The following SAMD11 variants were observed in gnomAD, a reference collection of about 807,000 sequenced individuals.
SAMD11 encodes the protein sterile alpha motif domain containing 11.
In SAMD11, 77 loss-of-function variants were observed where a neutral mutation model predicts 64.4. The ratio of observed to expected loss-of-function variants is 1.20; its 90% confidence interval spans 0.99 to 1.44. The LOEUF (loss-of-function observed/expected upper bound fraction) is 1.44. Among genes scored for constraint, SAMD11 ranks in the 40% most tolerant of loss-of-function variants. SAMD11 has a pLI of 0.00. For synonymous variants in SAMD11, 658 were observed against 421.9 expected (o/e 1.56, Z -6.86); for missense variants, 1,402 against 943.3 (o/e 1.49, Z -6.37).
chr1:940,080 T>G (rs1471649385), intron 7 of SAMD11, among the ~76,000 whole-genome samples: 4 of 152,056 alleles, frequency 2.6e-5, no homozygotes, highest in African/African-American at 9.7e-5. Context: ...TAGAGGTGGG[T>G]GGGGGCGCCG....
intron 4 of SAMD11, among the ~76,000 whole-genome samples, chr1:932,176 C>T (rs1227864234): frequency 1.3e-5 from 2 of 152,250 alleles, no homozygotes; most frequent in African/African-American, 2.4e-5. Flanking sequence ...CTGTCATGAA[C>T]ACTGATGACA....
At chr1:925,650 G>A in intron 1 of SAMD11, 1 of 385,338 alleles carries the variant, frequency 2.6e-6, no homozygotes, top group South Asian at 2.7e-5. Context: ...CCGGGGAGAG[G>A]GTGGAGCGCG....
intron 4 of SAMD11, among the ~76,000 whole-genome samples, chr1:935,507 G>C (rs962996240): frequency 3.9e-5 from 6 of 152,170 alleles, no homozygotes; most frequent in African/African-American, 1.4e-4. Context: ...AGGCAGAGCC[G>C]GCTGGCTGCT....
In SAMD11 at chr1:942,796, G is replaced by C. The variant is rs1159829144; in HGVS notation, c.1791G>C (p.Lys597Asn). The change falls in exon 11 of 14, where the codon AAG (lysine) becomes AAC (asparagine). Residue 597 changes from lysine (K) to asparagine (N), a missense_variant. By Grantham distance (94) the Lys-to-Asn change is moderately conservative (BLOSUM62 0). Coordinates refer to ENST00000616016, the MANE Select transcript of SAMD11 (RefSeq NM_001385641.1). Reference sequence around the variant, plus strand: ...ACTCTGCCCGGCGAGCCCCCCGGAAGGGGGGTCCCGGCCCTGCCTCAGCGC... The same window carrying C: ...ACTCTGCCCGGCGAGCCCCCCGGAACGGGGGTCCCGGCCCTGCCTCAGCGC... ...SRDSARRAPR[K>N]GGPGPASARP... 1 of 1,542,726 alleles carries C rather than the reference G, an allele frequency of 6.5e-7. No individual in the cohort carries two copies. The highest frequency in any genetic ancestry group is 2.0e-5 in the Admixed American group (1 of 50,540).
intron 2 of SAMD11, among the ~76,000 whole-genome samples, chr1:928,385 C>A (rs1485123286): frequency 6.6e-6 from 1 of 151,966 alleles, no homozygotes; most frequent in Non-Finnish European, 1.5e-5. Context: ...GAGTGAGACT[C>A]CGTCTCAAAA....
At chr1:935,238 G>T (rs1484277884) in intron 4 of SAMD11, among the ~76,000 whole-genome samples, 9 of 152,144 alleles carry the variant, frequency 5.9e-5, no homozygotes, top group Non-Finnish European at 1.3e-4. Flanking sequence ...GGTGCCTGGT[G>T]CGAGCTGCAC....
At chr1:933,598 C>T (rs1641270096) in intron 4 of SAMD11, among the ~76,000 whole-genome samples, 1 of 152,198 alleles carries the variant, frequency 6.6e-6, no homozygotes, top group Non-Finnish European at 1.5e-5. Context: ...ACTGCCAGGC[C>T]AGCCCTCAGC....
intron 5 of SAMD11, among the ~76,000 whole-genome samples, chr1:937,181 C>T (rs1456207154): frequency 6.6e-6 from 1 of 152,160 alleles, no homozygotes; most frequent in Non-Finnish European, 1.5e-5. Flanking sequence ...GGGGCGTTCA[C>T]CTCTTCTCCC....
chr1:928,198 C>T (rs540000009), intron 2 of SAMD11, among the ~76,000 whole-genome samples: 37 of 151,584 alleles, frequency 2.4e-4, no homozygotes, highest in African/African-American at 8.9e-4. Context: ...TCGAGACCAT[C>T]CTGACTAACA....
In SAMD11 at chr1:944,463, A is replaced by G; in HGVS notation, c.*310A>G. ...GACGTCAGGGTCAGCTCCCCCGCGG[A>G]GCTGACTTCAGCAGCCCACAGCTGT... On this transcript the variant is annotated 3_prime_UTR_variant, in exon 14 of 14. Coordinates refer to ENST00000616016, the MANE Select transcript of SAMD11 (RefSeq NM_001385641.1). 14 of 757,420 alleles carry G rather than the reference A, an allele frequency of 1.8e-5. No homozygotes were observed. Among genetic ancestry groups the G allele is most frequent in the Non-Finnish European group, 2.8e-5 (14 of 505,294 alleles). The allele number at this position is 757,420 out of a possible 1,614,324, so 46.9% of individuals were successfully genotyped here. A position where few individuals can be genotyped will look rare whatever the true frequency, so the allele number is the denominator to read the frequency against.
At chr1:943,193 AGGAGACGGGCG>A (rs1641913137) in intron 11 of SAMD11, 49 bp from the exon 12 acceptor site, 4 of 1,608,786 alleles carry the variant, frequency 2.5e-6, no homozygotes, top group Non-Finnish European at 8.5e-7. Context: ...CACGACGGTC[AGGAGACGGGCG>A]GGTATGGGAA....
intron 9 of SAMD11, 32 bp from the exon 10 acceptor site, chr1:942,378 C>T: frequency 2.3e-6 from 3 of 1,301,994 alleles, no homozygotes; most frequent in Non-Finnish European, 3.1e-6. Flanking sequence ...GCCTCGGACC[C>T]CCCGACCCCG....
intron 7 of SAMD11, chr1:940,363 CG>C (rs1410890597): frequency 6.6e-6 from 1 of 151,294 alleles, no homozygotes; most frequent in African/African-American, 2.4e-5. Flanking sequence ...GCCGCTAGCG[CG>C]GGGGCGCTGG....
intron 12 of SAMD11, 149 bp downstream of exon 12, chr1:943,526 C>CTT (rs56972694): frequency 2.9e-5 from 16 of 550,626 alleles, no homozygotes; most frequent in South Asian, 1.0e-4. Context: ...TGCACCCCAC[C>CTT]TTTTTTTTTT....
At chr1:930,072 GC>G in intron 2 of SAMD11, 82 bp from the exon 3 acceptor site, 4 of 1,454,176 alleles carry the variant, frequency 2.8e-6, no homozygotes, top group South Asian at 1.4e-5. Flanking sequence ...AGATGGAACG[GC>G]CCGGTCCAGC....
At chr1:926,869 C>T (rs1640916434) in intron 2 of SAMD11, among the ~76,000 whole-genome samples, 1 of 152,068 alleles carries the variant, frequency 6.6e-6, no homozygotes. Flanking sequence ...ACCCCTTCTT[C>T]CAGGAAAGGG....
chr1:935,893 G>T lies in SAMD11; in HGVS notation c.964G>T (p.Ala322Ser), dbSNP rs762953021. The change falls in exon 5 of 14, where the codon GCC becomes TCC. Residue 322 changes from alanine (A) to serine (S), a missense_variant. By Grantham distance (99) the Ala-to-Ser change is moderately conservative. Transcript: ENST00000616016. Reference sequence around the variant, plus strand: ...CAGCCTGGAGATTGGCCTGCGACCCGCCGGTGAGGAGCACAGGGGGCCTGA... The same window carrying T: ...CAGCCTGGAGATTGGCCTGCGACCCTCCGGTGAGGAGCACAGGGGGCCTGA... ...RGSLEIGLRP[A>S]GDLLGKRLGR... The T allele has an allele frequency of 3.1e-6, 5 of 1,612,536 alleles. No individual in the cohort carries two copies. The highest frequency in any genetic ancestry group is 1.1e-5 in the South Asian group (1 of 91,068).
chr1:932,496 A>G (rs995216019), intron 4 of SAMD11, among the ~76,000 whole-genome samples: 52 of 152,238 alleles, frequency 3.4e-4, no homozygotes, highest in Non-Finnish European at 6.9e-4. Context: ...TCCCCGGAGG[A>G]GAAGGCCCAG....
At position 943,740 on chromosome 1, in the gene SAMD11, C is replaced by G; in HGVS notation, c.2221C>G (p.Leu741Val). The G allele has an allele frequency of 6.2e-7, 1 of 1,607,362 alleles. No homozygotes were observed. The highest frequency in any genetic ancestry group is 8.5e-7 in the Non-Finnish European group (1 of 1,176,652). The change falls in exon 13 of 14, where the codon CTG becomes GTG. Residue 741 changes from leucine (L) to valine (V), a missense_variant. By Grantham distance (32) the Leu-to-Val change is conservative (BLOSUM62 1). Coordinates refer to ENST00000616016, the MANE Select transcript of SAMD11 (RefSeq NM_001385641.1). ...QGIDGETLPL[L>V]TEEHLLTNMG... ...GATCGACGGGGAGACCCTGCCACTGCTGACGGAGGAGCACCTGCTGACCAA... is the reference window on the plus strand; with the variant it reads ...GATCGACGGGGAGACCCTGCCACTGGTGACGGAGGAGCACCTGCTGACCAA...
Sources: allele counts gnomAD v4.1 joint callset (sites outside exome capture counted in the v4.1 genomes callset), GRCh38; gene constraint gnomAD v4.1.1; transcripts MANE v1.5; gene names NCBI Gene and HGNC (gene_info 2026-07-23, HGNC 2026-07-21).